The following PLB1 variants were observed in gnomAD, a reference collection of about 807,000 sequenced individuals.
PLB1 encodes the protein phospholipase B1.
A neutral mutation model predicts 227.4 loss-of-function variants in PLB1; 242 were observed. The observed-to-expected ratio is 1.06, with a 90% CI of 0.96 to 1.18. The LOEUF (loss-of-function observed/expected upper bound fraction) is 1.18. PLB1 is among the 50% of genes most tolerant of loss of function. PLB1 has a pLI of 0.00. For synonymous variants in PLB1, 757 were observed against 682.2 expected, an observed-to-expected ratio of 1.11 and a Z score of -1.71; for missense variants, 1,858 against 1,816.3, an observed-to-expected ratio of 1.02 and a Z score of -0.42.
At chr2:28,589,316 T>G in intron 26 of PLB1, 134 bp from the exon 27 acceptor site, 1 of 666,028 alleles carries the variant, frequency 1.5e-6, no homozygotes, top group Non-Finnish European at 2.6e-6. Context: ...AAAATCTCAG[T>G]TGAGATTTTG....
chr2:28,572,073 A>C (rs1459600194), intron 20 of PLB1, among the ~76,000 whole-genome samples: 1 of 152,250 alleles, frequency 6.6e-6, no homozygotes, highest in Non-Finnish European at 1.5e-5. Flanking sequence ...GAACTCAAAA[A>C]GATAACCCAG....
In PLB1 at chr2:28,554,489, CTTTTTTTTTT is replaced by C. The variant is rs536476788; in HGVS notation, c.1147+1518_1147+1527del. Among the ~76,000 whole-genome samples the C allele has an allele frequency of 5.7e-3, 490 of 85,476 alleles. 13 individuals carry two copies. Among genetic ancestry groups the C allele is most frequent in the African/African-American group, 0.025 (464 of 18,764 alleles). 56.1% of individuals were successfully genotyped at this position (85,476 alleles called of 152,430 possible). On this transcript the variant is annotated intron_variant, in intron 17 of 57. Transcript: ENST00000327757. ...CTACAGGCATTATCACCACACCTGCCTTTTTTTTTTTTTTTTTTTTTTTTTTTTTAAGAGA... is the reference window on the plus strand; with the variant it reads ...CTACAGGCATTATCACCACACCTGCCTTTTTTTTTTTTTTTTTTTAAGAGA...
At chr2:28,589,037 C>T (rs928062728) in intron 26 of PLB1, among the ~76,000 whole-genome samples, 14 of 151,958 alleles carry the variant, frequency 9.2e-5, no homozygotes, top group Admixed American at 2.6e-4. Flanking sequence ...TGGTGGCAGG[C>T]GCCTGTAATC....
At chr2:28,619,962 T>G (rs1475028827) in intron 46 of PLB1, among the ~76,000 whole-genome samples, 1 of 152,090 alleles carries the variant, frequency 6.6e-6, no homozygotes, top group Non-Finnish European at 1.5e-5. Flanking sequence ...GCCAGCGTAT[T>G]GCCCGTGGCA....
Position 28,590,044 on chromosome 2 carries a change from G to C in PLB1, c.2056G>C (p.Glu686Gln). 2 of 1,613,742 alleles carry C rather than the reference G, an allele frequency of 1.2e-6. No individual in the cohort carries two copies. Among genetic ancestry groups the C allele is most frequent in the Non-Finnish European group, 1.7e-6 (2 of 1,179,702 alleles). Residue 686 changes from glutamate (E) to glutamine (Q), a missense_variant, in exon 29 of 58, where the codon GAA (glutamate) becomes CAA (glutamine). Physicochemically the swap from Glu to Gln is conservative, Grantham distance 29. Transcript: ENST00000327757. ...VGQKTTRHKF[E>Q]NKINITCPNQ... ...CCAGAAGACGACTCGTCATAAGTTT[G>C]AAAACAAGATCAATATCACATGTCC...
chr2:28,550,445 G>T (rs1426014021), intron 16 of PLB1, among the ~76,000 whole-genome samples: 4 of 151,748 alleles, frequency 2.6e-5, no homozygotes, highest in African/African-American at 9.7e-5. Flanking sequence ...CGAAGTGCTG[G>T]GATTACAGAT....
chr2:28,537,440 C>T (rs948695621), intron 9 of PLB1, among the ~76,000 whole-genome samples: 3 of 151,952 alleles, frequency 2.0e-5, no homozygotes, highest in Admixed American at 6.6e-5. Context: ...GCCTGTAATC[C>T]AGCACTTTGG....
chr2:28,638,924 G>A (rs11676174), intron 56 of PLB1, among the ~76,000 whole-genome samples: 47,355 of 151,268 alleles, frequency 0.31, 8,057 homozygotes, highest in Non-Finnish European at 0.38. Context: ...TTATCCAGGC[G>A]TGGTGGCATG....
At chr2:28,581,484 A>AAAAAAAAAAAATAAAT (rs1453428358) in intron 23 of PLB1, among the ~76,000 whole-genome samples, 2 of 77,812 alleles carry the variant, frequency 2.6e-5, no homozygotes, top group African/African-American at 1.1e-4. Flanking sequence ...GCTCCACGCA[A>AAAAAAAAAAAATAAAT]AAAAATAAAT....
intron 52 of PLB1, 104 bp downstream of exon 52, chr2:28,628,732 T>C: frequency 8.8e-7 from 1 of 1,136,172 alleles, no homozygotes; most frequent in Non-Finnish European, 1.3e-6. Flanking sequence ...AGACCCGCCA[T>C]GAGTGAGCAC....
chr2:28,525,734 G>C (rs554140210), intron 5 of PLB1, among the ~76,000 whole-genome samples, 171 bp from the exon 6 acceptor site: 9 of 152,162 alleles, frequency 5.9e-5, no homozygotes, highest in Non-Finnish European at 1.2e-4. Flanking sequence ...TCCCCATTTT[G>C]GCTACTCCAT....
chr2:28,602,635 A>G (rs1031920510), intron 38 of PLB1, among the ~76,000 whole-genome samples, 186 bp from the exon 39 acceptor site: 2 of 152,208 alleles, frequency 1.3e-5, no homozygotes, highest in African/African-American at 4.8e-5. Flanking sequence ...TTTGGGTGGC[A>G]CCCATGGAGT....
chr2:28,569,124 G>A (rs1180562570), intron 20 of PLB1, among the ~76,000 whole-genome samples: 2 of 152,204 alleles, frequency 1.3e-5, no homozygotes, highest in Non-Finnish European at 2.9e-5. Flanking sequence ...GTTCTAGCAG[G>A]CACTCTGCTG....
chr2:28,594,518 T>C (rs1403619410), intron 33 of PLB1: 1 of 156,472 alleles, frequency 6.4e-6, no homozygotes, highest in Non-Finnish European at 1.4e-5. Flanking sequence ...GCACCTTTGC[T>C]GCCGCCTCCC....
intron 11 of PLB1, 115 bp from the exon 12 acceptor site, chr2:28,540,251 C>T: frequency 1.3e-6 from 1 of 797,312 alleles, no homozygotes. Flanking sequence ...CTTCTTCATC[C>T]CTACTCCTTA....
intron 4 of PLB1, among the ~76,000 whole-genome samples, chr2:28,522,890 T>TG (rs1324610739): frequency 6.6e-6 from 1 of 152,146 alleles, no homozygotes; most frequent in Non-Finnish European, 1.5e-5. Flanking sequence ...TGAACTTACC[T>TG]GGGGTGTGTA....
At chr2:28,619,173 T>C (rs1686629399) in intron 46 of PLB1, among the ~76,000 whole-genome samples, 1 of 152,196 alleles carries the variant, frequency 6.6e-6, no homozygotes, top group Non-Finnish European at 1.5e-5. Context: ...ATGAGTTATG[T>C]TTCCTGATCC....
intron 16 of PLB1, 21 bp from the exon 17 acceptor site, chr2:28,552,907 T>C (rs751628379): frequency 6.2e-7 from 1 of 1,611,162 alleles, no homozygotes; most frequent in Non-Finnish European, 8.5e-7. Context: ...TTTCCTTATT[T>C]CCCTGTGTGT....
chr2:28,641,336 G>A (rs1489742351), intron 57 of PLB1, among the ~76,000 whole-genome samples: 2 of 152,224 alleles, frequency 1.3e-5, no homozygotes, highest in African/African-American at 4.8e-5. Context: ...GGCCAGGCGT[G>A]GTGGCTCACG....
Sources: allele counts gnomAD v4.1 joint callset (sites outside exome capture counted in the v4.1 genomes callset), GRCh38; gene constraint gnomAD v4.1.1; transcripts MANE v1.5; gene names NCBI Gene and HGNC (gene_info 2026-07-23, HGNC 2026-07-21).